Variants in CDH12 observed in about 807,000 individuals in gnomAD.
The protein encoded by CDH12 is cadherin 12.
Under a neutral mutation model 74.1 loss-of-function variants are expected in CDH12, and 41 were observed. That is an observed-to-expected ratio of 0.55 (90% CI 0.43 to 0.72). The LOEUF is 0.72. CDH12 is among the 30% of genes least tolerant of loss of function. The pLI is 0.00. For missense variants in CDH12, 945 were observed against 977.2 expected (o/e 0.97, Z 0.44); for synonymous variants, 399 against 355.0 (o/e 1.12, Z -1.39).
intron 1 of CDH12, among the ~76,000 whole-genome samples, chr5:22,535,377 C>T (rs1179596110): frequency 1.3e-5 from 2 of 151,878 alleles, no homozygotes; most frequent in African/African-American, 2.4e-5. Context: ...AGGATGGTCT[C>T]GATCTCCTGA....
intron 2 of CDH12, among the ~76,000 whole-genome samples, chr5:22,436,142 A>G (rs770003812): frequency 6.6e-6 from 1 of 151,374 alleles, no homozygotes; most frequent in East Asian, 2.0e-4. Flanking sequence ...GCTGGAAACC[A>G]TCATTCTCAG....
chr5:22,027,788 G>A (rs1222373601), intron 5 of CDH12, among the ~76,000 whole-genome samples: 2 of 151,980 alleles, frequency 1.3e-5, no homozygotes, highest in East Asian at 3.9e-4. Context: ...TTAATTTTTT[G>A]AAGGGTTTTT....
intron 2 of CDH12, among the ~76,000 whole-genome samples, chr5:22,417,453 A>C (rs762062159): frequency 6.6e-6 from 1 of 152,124 alleles, no homozygotes; most frequent in Non-Finnish European, 1.5e-5. Flanking sequence ...TCTTTCTTTC[A>C]TGCCTACTCT....
At chr5:22,112,951 TAGTG>T (rs1744896676) in intron 4 of CDH12, among the ~76,000 whole-genome samples, 1 of 152,150 alleles carries the variant, frequency 6.6e-6, no homozygotes, top group Non-Finnish European at 1.5e-5. Context: ...CCATGACACA[TAGTG>T]AGCTTTCAAT....
chr5:21,847,703 G>T (rs1201073270), intron 7 of CDH12, among the ~76,000 whole-genome samples: 1 of 151,966 alleles, frequency 6.6e-6, no homozygotes, highest in Non-Finnish European at 1.5e-5. Flanking sequence ...ATTCTTCTTT[G>T]CCATGTAATA....
chr5:21,760,551 CACTT>C lies in CDH12; in HGVS notation c.1633+3_1633+6del. 1 of 1,403,790 alleles carries C rather than the reference CACTT, an allele frequency of 7.1e-7. No individual in the cohort carries two copies. The highest frequency in any genetic ancestry group is 1.0e-6 in the Non-Finnish European group (1 of 990,818). 87.0% of individuals were successfully genotyped at this position (1,403,790 alleles called of 1,614,324 possible). A position where few individuals can be genotyped will look rare whatever the true frequency, so the allele number is the denominator to read the frequency against. On this transcript the variant is annotated splice_donor_5th_base_variant and intron_variant, in intron 13 of 14. Transcript: ENST00000382254. ...TAAGAGGTAAATTTTTCTGTAGTTACACTTACTTCTGAAGTCACGAACTGTAAAA... is the reference window on the plus strand; with the variant it reads ...TAAGAGGTAAATTTTTCTGTAGTTACACTTCTGAAGTCACGAACTGTAAAA...
chr5:22,115,669 C>A (rs1455253008), intron 4 of CDH12, among the ~76,000 whole-genome samples: 3 of 149,078 alleles, frequency 2.0e-5, no homozygotes, highest in African/African-American at 4.9e-5. Context: ...CAAGGATAGG[C>A]ACAATTTTGG....
intron 6 of CDH12, among the ~76,000 whole-genome samples, chr5:21,913,498 A>C (rs1753953823): frequency 6.6e-6 from 1 of 152,164 alleles, no homozygotes; most frequent in Non-Finnish European, 1.5e-5. Context: ...TGCTTAATTC[A>C]CAAATTTTCC....
At chr5:21,864,019 T>G (rs1415121342) in intron 6 of CDH12, among the ~76,000 whole-genome samples, 1 of 151,974 alleles carries the variant, frequency 6.6e-6, no homozygotes, top group Non-Finnish European at 1.5e-5. Context: ...GCTTTCAAAA[T>G]AAAAATGCAA....
At chr5:22,488,564 C>T (rs537297827) in intron 2 of CDH12, among the ~76,000 whole-genome samples, 1 of 152,254 alleles carries the variant, frequency 6.6e-6, no homozygotes, top group East Asian at 1.9e-4. Flanking sequence ...GGGAATGTGC[C>T]TTTCACATGC....
In CDH12 at chr5:21,756,119, A is replaced by AT. The variant is rs551395487; in HGVS notation, c.1634-278dup. On this transcript the variant is annotated intron_variant, in intron 13 of 14. Coordinates refer to ENST00000382254, the MANE Select transcript of CDH12 (RefSeq NM_004061.5). ...GACAGAAAGTGTGTTAAATTGATCAATTTTTTTATGACATTGCAATCTCAT... is the reference window on the plus strand; with the variant it reads ...GACAGAAAGTGTGTTAAATTGATCAATTTTTTTTATGACATTGCAATCTCAT... 6.9e-3 allele frequency among the ~76,000 whole-genome samples: 1,052 copies of AT among 152,230 alleles called. 16 individuals are homozygous for AT. Among genetic ancestry groups the AT allele is most frequent in the African/African-American group, 0.023 (959 of 41,554 alleles).
intron 3 of CDH12, among the ~76,000 whole-genome samples, chr5:22,257,762 C>T (rs1385257541): frequency 6.6e-6 from 1 of 152,022 alleles, no homozygotes; most frequent in Non-Finnish European, 1.5e-5. Flanking sequence ...TCCCAAAGTG[C>T]TGGGATTACA....
At chr5:21,938,895 T>C (rs1333175512) in intron 6 of CDH12, among the ~76,000 whole-genome samples, 3 of 150,908 alleles carry the variant, frequency 2.0e-5, no homozygotes, top group Middle Eastern at 3.5e-3. Flanking sequence ...AACAACCCAA[T>C]TGAAAATGCA....
intron 1 of CDH12, among the ~76,000 whole-genome samples, chr5:22,520,869 C>T (rs1446992847): frequency 7.9e-5 from 12 of 152,164 alleles, no homozygotes; most frequent in South Asian, 6.2e-4. Context: ...TTTAGTTACA[C>T]GTAAGTATAT....
At chr5:22,116,935 T>A (rs1215577079) in intron 4 of CDH12, among the ~76,000 whole-genome samples, 1 of 150,944 alleles carries the variant, frequency 6.6e-6, no homozygotes, top group Non-Finnish European at 1.5e-5. Flanking sequence ...AGTACCTTGA[T>A]TGCTCTGATA....
intron 1 of CDH12, among the ~76,000 whole-genome samples, chr5:22,655,629 T>G (rs1341593857): frequency 6.6e-6 from 1 of 152,220 alleles, no homozygotes. Context: ...TACCCTTTTT[T>G]GTGGGTTACA....
intron 4 of CDH12, among the ~76,000 whole-genome samples, chr5:22,199,435 A>G (rs1195406265): frequency 1.3e-5 from 2 of 152,208 alleles, no homozygotes; most frequent in African/African-American, 4.8e-5. Flanking sequence ...TGTAAACACT[A>G]TCACACAACA....
intron 4 of CDH12, among the ~76,000 whole-genome samples, chr5:22,132,613 C>T (rs1486355149): frequency 6.6e-6 from 1 of 151,938 alleles, no homozygotes; most frequent in East Asian, 1.9e-4. Context: ...AACTAATAGT[C>T]AATTTCCAGG....
intron 1 of CDH12, among the ~76,000 whole-genome samples, chr5:22,676,077 AC>A (rs1259449004): frequency 6.6e-6 from 1 of 151,690 alleles, no homozygotes; most frequent in African/African-American, 2.4e-5. Flanking sequence ...TTTTACACAA[AC>A]TTGAATTGAT....
Sources: gnomAD v4.1 joint callset for allele counts (sites outside exome capture counted in the v4.1 genomes callset) on GRCh38, gnomAD v4.1.1 for gene constraint, MANE v1.5 for transcripts, NCBI Gene and HGNC (gene_info 2026-07-23, HGNC 2026-07-21) for gene names.